The following WWOX variants were observed in gnomAD, a reference collection of about 807,000 sequenced individuals.
WWOX encodes the protein WW domain containing oxidoreductase.
WWOX carries 69 observed loss-of-function variants against 46.2 expected under a neutral mutation model. That is an observed-to-expected ratio of 1.49 (90% CI 1.23 to 1.82). The LOEUF (loss-of-function observed/expected upper bound fraction) is 1.82, where lower values mean the gene tolerates loss of function less well. Among genes scored for constraint, WWOX ranks in the 40% most tolerant of loss-of-function variants. The pLI is 0.00. For synonymous variants in WWOX, 359 were observed against 202.6 expected (o/e 1.77, Z -6.56); for missense variants, 919 against 542.6 (o/e 1.69, Z -6.89).
chr16:78,503,766 G>A (rs145672081), intron 8 of WWOX: 10 of 152,312 alleles, frequency 6.6e-5, no homozygotes, highest in African/African-American at 2.2e-4. Context: ...AGGCCTGCGA[G>A]TATTTCTGAT....
At chr16:78,670,415 C>T (rs2047432276) in intron 8 of WWOX, among the ~76,000 whole-genome samples, 1 of 152,140 alleles carries the variant, frequency 6.6e-6, no homozygotes, top group Admixed American at 6.6e-5. Context: ...CCACATGCTG[C>T]ATTGGTGTGT....
intron 8 of WWOX, among the ~76,000 whole-genome samples, chr16:78,745,236 G>A (rs926612085): frequency 6.6e-6 from 1 of 152,158 alleles, no homozygotes; most frequent in African/African-American, 2.4e-5. Context: ...TCTTCCTGTT[G>A]GTGGACTGAT....
chr16:78,319,650 T>C (rs2080424755), intron 5 of WWOX, among the ~76,000 whole-genome samples: 1 of 152,186 alleles, frequency 6.6e-6, no homozygotes, highest in African/African-American at 2.4e-5. Flanking sequence ...TTCTTATTAA[T>C]GTGTCACATA....
intron 5 of WWOX, among the ~76,000 whole-genome samples, chr16:78,260,034 C>T (rs535292180): frequency 1.3e-5 from 2 of 151,278 alleles, no homozygotes; most frequent in South Asian, 4.2e-4. Flanking sequence ...CTGGGTGAGA[C>T]CTCCCAGCAG....
At chr16:78,309,800 T>C (rs2080205726) in intron 5 of WWOX, among the ~76,000 whole-genome samples, 1 of 152,220 alleles carries the variant, frequency 6.6e-6, no homozygotes, top group Non-Finnish European at 1.5e-5. Context: ...GCAGTGTCTG[T>C]CTTGTGGTCC....
chr16:79,141,842 G>A (rs187687353), intron 8 of WWOX, among the ~76,000 whole-genome samples: 2 of 151,856 alleles, frequency 1.3e-5, no homozygotes, highest in Admixed American at 6.6e-5. Flanking sequence ...TGTCCATTAG[G>A]ATGACTCTTC....
At chr16:79,035,968 A>G (rs569966374) in intron 8 of WWOX, among the ~76,000 whole-genome samples, 1 of 152,192 alleles carries the variant, frequency 6.6e-6, no homozygotes, top group Non-Finnish European at 1.5e-5. Context: ...CATTGCCACC[A>G]GCATCCCTTG....
At chr16:79,030,454 A>C (rs1238874170) in intron 8 of WWOX, among the ~76,000 whole-genome samples, 1 of 152,126 alleles carries the variant, frequency 6.6e-6, no homozygotes, top group Non-Finnish European at 1.5e-5. Context: ...TTTGATCTGC[A>C]CGGGCAATCC....
At chr16:78,375,994 G>A (rs1321531305) in intron 5 of WWOX, among the ~76,000 whole-genome samples, 1 of 151,926 alleles carries the variant, frequency 6.6e-6, no homozygotes, top group Non-Finnish European at 1.5e-5. Context: ...GGGACTACCA[G>A]CGCATGTCAC....
intron 4 of WWOX, among the ~76,000 whole-genome samples, chr16:78,137,503 A>T (rs2033839575): frequency 6.6e-6 from 1 of 152,108 alleles, no homozygotes; most frequent in Non-Finnish European, 1.5e-5. Flanking sequence ...GAATTTCCTT[A>T]CGTATTGTTT....
At chr16:78,375,346 G>A (rs1464949315) in intron 5 of WWOX, among the ~76,000 whole-genome samples, 2 of 152,172 alleles carry the variant, frequency 1.3e-5, no homozygotes, top group Non-Finnish European at 2.9e-5. Flanking sequence ...GTTTCCAAAT[G>A]GCTTATGGTA....
At chr16:78,558,959 C>T (rs2044368773) in intron 8 of WWOX, among the ~76,000 whole-genome samples, 1 of 152,194 alleles carries the variant, frequency 6.6e-6, no homozygotes, top group African/African-American at 2.4e-5. Flanking sequence ...TAATTCTCTG[C>T]TGGCTATTCC....
intron 5 of WWOX, among the ~76,000 whole-genome samples, chr16:78,344,167 G>A (rs1422594388): frequency 2.7e-5 from 1 of 37,310 alleles, no homozygotes; most frequent in Non-Finnish European, 5.3e-5. Context: ...TCATCCTCGG[G>A]CAGGTGCAGG....
chr16:78,609,224 C>G (rs577625457), intron 8 of WWOX, among the ~76,000 whole-genome samples: 7 of 152,262 alleles, frequency 4.6e-5, no homozygotes, highest in East Asian at 1.9e-4. Context: ...TGTTTCCTGA[C>G]AGGTTTTTGG....
At chr16:78,668,874 C>A (rs1433594351) in intron 8 of WWOX, among the ~76,000 whole-genome samples, 1 of 152,146 alleles carries the variant, frequency 6.6e-6, no homozygotes, top group East Asian at 1.9e-4. Context: ...CTTGATAACT[C>A]CCTGGCAGGT....
At chr16:78,536,406 C>T (rs115795422) in intron 8 of WWOX, among the ~76,000 whole-genome samples, 2,488 of 151,828 alleles carry the variant, frequency 0.016, 75 homozygotes, top group African/African-American at 0.058. Flanking sequence ...TAATCTGCCC[C>T]GGGGTCCTGT....
intron 8 of WWOX, among the ~76,000 whole-genome samples, chr16:78,752,444 C>T (rs1184957377): frequency 1.3e-5 from 2 of 152,162 alleles, no homozygotes; most frequent in Non-Finnish European, 2.9e-5. Context: ...CACACCACCA[C>T]ACCTGGCTAA....
intron 8 of WWOX, among the ~76,000 whole-genome samples, chr16:78,912,951 C>T (rs1164357221): frequency 1.3e-5 from 2 of 151,970 alleles, no homozygotes; most frequent in Non-Finnish European, 2.9e-5. Flanking sequence ...TCGAACGGTC[C>T]ATTCTGAGGG....
At chr16:78,596,567 G>A (rs1327641217) in intron 8 of WWOX, among the ~76,000 whole-genome samples, 2 of 152,114 alleles carry the variant, frequency 1.3e-5, no homozygotes, top group East Asian at 1.9e-4. Flanking sequence ...CTGGGGACAG[G>A]ACAGGTGTGC....
Sources: gnomAD v4.1 joint callset for allele counts (sites outside exome capture counted in the v4.1 genomes callset) on GRCh38, gnomAD v4.1.1 for gene constraint, MANE v1.5 for transcripts, NCBI Gene and HGNC (gene_info 2026-07-23, HGNC 2026-07-21) for gene names.